Variants in SLC9A3 observed in about 807,000 individuals in gnomAD.
SLC9A3 encodes the protein solute carrier family 9 member A3.
SLC9A3 carries 37 observed loss-of-function variants against 86.8 expected under a neutral mutation model. The ratio of observed to expected loss-of-function variants is 0.43; its 90% CI spans 0.33 to 0.56. The LOEUF is 0.56. SLC9A3 is among the 20% of genes least tolerant of loss of function. SLC9A3 has a pLI of 0.06. For synonymous variants in SLC9A3, 581 were observed against 528.3 expected (o/e 1.10, Z -1.37); for missense variants, 1,011 against 1,171.9 (o/e 0.86, Z 2.00).
rs777258760 is a variant in SLC9A3, at chr5:475,097, G to C, written c.2287C>G (p.Leu763Val). 1.4e-5 allele frequency: 23 copies of C among 1,608,008 alleles called. No homozygotes were observed. Among genetic ancestry groups the C allele is most frequent in the Non-Finnish European group, 2.0e-5 (23 of 1,177,126 alleles). Residue 763 changes from leucine (L) to valine (V), a missense_variant, in exon 16 of 17, where the codon CTG becomes GTG. Physicochemically the swap from Leu to Val is conservative, Grantham distance 32 (BLOSUM62 1). Coordinates refer to ENST00000264938, the MANE Select transcript of SLC9A3 (RefSeq NM_004174.4). ...DNPVFSPDEALDRSLLARLPP... is the reference protein window; with the variant it reads ...DNPVFSPDEAVDRSLLARLPP... ...AGCCTGGCCAGGAGGCTGCGGTCCA[G>C]GGCCTCGTCCGGAGAAAACACAGGG...
Position 488,370 on chromosome 5 carries a change from C to T in SLC9A3, c.621G>A (p.Glu207=). 6.2e-7 allele frequency: 1 copy of T among 1,612,666 alleles called. No homozygotes were observed. Among genetic ancestry groups the T allele is most frequent in the South Asian group, 1.1e-5 (1 of 91,084 alleles). ...LAVFEEVHVN[E]VLFIIVFGES... ...CCCCGAAGACGATGATGAACAGGAC[C>T]TCGTTGACATGGACCTCCTCAAACA... is the stretch of plus-strand genomic sequence containing the variant. Residue 207 remains glutamate (E), a synonymous_variant, in exon 3 of 17, where the codon GAG becomes GAA. Transcript: ENST00000264938.
chr5:497,834 TC>T lies in SLC9A3; in HGVS notation c.212-5764del, dbSNP rs1740095520. On this transcript the variant is annotated intron_variant, in intron 1 of 16. Coordinates refer to ENST00000264938, the MANE Select transcript of SLC9A3 (RefSeq NM_004174.4). This position sits in a 1 kb window ranked among gnomAD's most constrained non-coding sequence, Gnocchi z 5.4. ...GGGTCGCCCGGCCGCATCCCCAGCC[TC>T]TGCCCCTGTCCCGGGTGGGGTCGCC... 1.2e-5 allele frequency among the ~76,000 whole-genome samples: 1 copy of T among 81,880 alleles called. No individual in the cohort carries two copies. 53.7% of individuals were successfully genotyped at this position (81,880 alleles called of 152,430 possible).
In SLC9A3 at chr5:475,672, C is replaced by T. The variant is rs1474299064; in HGVS notation, c.2141-1G>A. 2 of 1,528,644 alleles carry T rather than the reference C, an allele frequency of 1.3e-6. No homozygotes were observed. Among genetic ancestry groups the T allele is most frequent in the Non-Finnish European group, 1.8e-6 (2 of 1,125,842 alleles). 94.7% of individuals were successfully genotyped at this position (1,528,644 alleles called of 1,614,324 possible). ...TCCTCGGTGTCTGAAAGTTCCAAGT[C>T]TGGGGAAGACAGGTTGGGGTGAGGA... On this transcript the variant is annotated splice_acceptor_variant, in intron 14 of 16. Transcript: ENST00000264938. LOFTEE classifies it high-confidence loss of function.
rs554325637 is a variant in SLC9A3, at chr5:490,085, C to T, written c.515-1609G>A. Among the ~76,000 whole-genome samples the T allele has an allele frequency of 3.4e-5, 5 of 146,978 alleles. No homozygotes were observed. The South Asian group carries it at 1.1e-3, about 31-fold the overall frequency. On this transcript the variant is annotated intron_variant, in intron 2 of 16. Coordinates refer to ENST00000264938, the MANE Select transcript of SLC9A3 (RefSeq NM_004174.4). ...TCTGCAGAGATCAGTTGCAGCCTCC[C>T]AGCTCTCTTGGACTCCCAGGAATGG...
At chr5:494,251 C>T (rs1391453470) in intron 1 of SLC9A3, among the ~76,000 whole-genome samples, 5 of 152,248 alleles carry the variant, frequency 3.3e-5, no homozygotes, top group African/African-American at 7.2e-5. Context: ...TCTGGGCTCA[C>T]GGGGCTGGCA....
chr5:474,847 A>G (rs1270871300), intron 16 of SLC9A3, 36 bp downstream of exon 16: 1 of 1,545,938 alleles, frequency 6.5e-7, no homozygotes, highest in East Asian at 2.3e-5. Flanking sequence ...GGAGCTGCGG[A>G]GAGGGGTTAG....
chr5:514,154 T>G lies in SLC9A3; in HGVS notation c.211+9958A>C, dbSNP rs993899509. ...CAGTTGGCTCTAACTAATCCTAAAA[T>G]GAACCTTCAGATCTTGAGAAAACCA... On this transcript the variant is annotated intron_variant, in intron 1 of 16. Transcript: ENST00000264938. Among the ~76,000 whole-genome samples the G allele has an allele frequency of 9.2e-5, 14 of 152,376 alleles. No individual in the cohort carries two copies. The East Asian group carries it at 2.7e-3, about 29-fold the overall frequency.
intron 10 of SLC9A3, chr5:478,892 C>G (rs1738958575): frequency 6.5e-6 from 1 of 154,532 alleles, no homozygotes; most frequent in Admixed American, 6.5e-5. Flanking sequence ...GCCCCAGGCC[C>G]CCGTGCCCTC....
intron 1 of SLC9A3, among the ~76,000 whole-genome samples, chr5:498,365 G>A (rs1040420020): frequency 5.3e-5 from 8 of 152,060 alleles, no homozygotes; most frequent in African/African-American, 1.4e-4. Context: ...GCTCTTCCCC[G>A]CCAGCCCCAC....
At chr5:483,531 G>A (rs895326640) in intron 5 of SLC9A3, 49 bp from the exon 6 acceptor site, 28 of 1,366,460 alleles carry the variant, frequency 2.0e-5, no homozygotes, top group South Asian at 3.7e-5. Context: ...CCTGGCGCCC[G>A]AGGCCCCCGT....
rs1004964391 is a variant in SLC9A3, at chr5:472,271, AGGGGTCC to A, written c.*1101_*1107del. ...GACGCTGGAAGGGGTGGGAAGGGTC[AGGGGTCC>A]GGGGTCTAGGACAGGCTCAGGGGTC... On this transcript the variant is annotated 3_prime_UTR_variant, in exon 17 of 17. Coordinates refer to ENST00000264938, the MANE Select transcript of SLC9A3 (RefSeq NM_004174.4). 9 of 350,608 alleles carry A rather than the reference AGGGGTCC, an allele frequency of 2.6e-5. No individual in the cohort carries two copies. Among genetic ancestry groups the A allele is most frequent in the Non-Finnish European group, 5.1e-5 (9 of 178,206 alleles). 21.7% of individuals were successfully genotyped at this position (350,608 alleles called of 1,614,324 possible). A position where few individuals can be genotyped will look rare whatever the true frequency, so the allele number is the denominator to read the frequency against.
At chr5:505,063 C>T (rs1020437378) in intron 1 of SLC9A3, among the ~76,000 whole-genome samples, 5 of 151,486 alleles carry the variant, frequency 3.3e-5, no homozygotes, top group African/African-American at 1.2e-4. Flanking sequence ...GACGCAGTGA[C>T]CCCTTTAACA....
intron 1 of SLC9A3, among the ~76,000 whole-genome samples, chr5:501,607 G>T (rs1389033374): frequency 6.6e-6 from 1 of 152,180 alleles, no homozygotes; most frequent in Non-Finnish European, 1.5e-5. Context: ...GAGGAGACAC[G>T]CACAGGGTCC....
rs1024655252 is a variant in SLC9A3 at position 496,230 on chromosome 5, G to A, written c.212-4159C>T. 1.3e-4 allele frequency among the ~76,000 whole-genome samples: 20 copies of A among 152,132 alleles called. No homozygotes were observed. The East Asian group carries it at 1.4e-3, about 10-fold the overall frequency. On this transcript the variant is annotated intron_variant, in intron 1 of 16. Transcript: ENST00000264938. This position sits in a 1 kb window ranked among gnomAD's most constrained non-coding sequence, Gnocchi z 4.7. The stretch of plus-strand genomic sequence containing the variant: ...ACACGCCTTTCCCATGTGCGGTGGC[G>A]TCCGAGGGCAGCTCCTGCAGTCTTC...
At chr5:513,079 T>G (rs900845764) in intron 1 of SLC9A3, among the ~76,000 whole-genome samples, 1 of 151,994 alleles carries the variant, frequency 6.6e-6, no homozygotes, top group Non-Finnish European at 1.5e-5. Context: ...ATACTGAGAC[T>G]TAGGAACCTG....
chr5:505,871 G>A (rs964075585), intron 1 of SLC9A3, among the ~76,000 whole-genome samples: 5 of 151,062 alleles, frequency 3.3e-5, no homozygotes, highest in South Asian at 2.1e-4. Flanking sequence ...TGACTACCAC[G>A]GAGATGAAAT....
intron 1 of SLC9A3, among the ~76,000 whole-genome samples, chr5:522,932 T>TCC: frequency 6.7e-6 from 1 of 149,950 alleles, no homozygotes; most frequent in Non-Finnish European, 1.5e-5. Context: ...CCTCAGAGAC[T>TCC]CCCCCCCGGC....
intron 2 of SLC9A3, among the ~76,000 whole-genome samples, chr5:489,325 AG>A (rs1739617761): frequency 6.6e-6 from 1 of 152,092 alleles, no homozygotes. Flanking sequence ...CCACCCAGGG[AG>A]GGGGAGGCCC....
chr5:504,118 T>C (rs1740433263), intron 1 of SLC9A3, among the ~76,000 whole-genome samples: 1 of 151,744 alleles, frequency 6.6e-6, no homozygotes, highest in Non-Finnish European at 1.5e-5. Context: ...TATCAACAAC[T>C]AAACAAGGGA....
Sources: gnomAD v4.1 joint callset for allele counts (sites outside exome capture counted in the v4.1 genomes callset) on GRCh38, gnomAD v4.1.1 for gene constraint, Gnocchi (gnomAD v3.1) non-coding constraint, MANE v1.5 for transcripts, NCBI Gene and HGNC (gene_info 2026-07-23, HGNC 2026-07-21) for gene names.